Variants in KCNAB1 observed in about 807,000 individuals in gnomAD.
KCNAB1 encodes voltage-gated potassium channel subunit beta-1.
In KCNAB1, 35 loss-of-function variants were observed where a neutral mutation model predicts 64.6. The ratio of observed to expected loss-of-function variants is 0.54; its 90% CI spans 0.41 to 0.72. KCNAB1 has a LOEUF of 0.72. Ranked by LOEUF, KCNAB1 falls within the 30% of genes least tolerant of loss-of-function variation. The probability of loss-of-function intolerance (pLI) is 0.00; values close to 1 mark genes in which losing one functional copy is unlikely to be tolerated. For synonymous variants in KCNAB1, 177 were observed against 183.8 expected (o/e 0.96, Z 0.30); for missense variants, 401 against 512.9 (o/e 0.78, Z 2.11).
At chr3:156,246,388 G>T (rs1006321183) in intron 1 of KCNAB1, among the ~76,000 whole-genome samples, 3 of 152,126 alleles carry the variant, frequency 2.0e-5, no homozygotes, top group Non-Finnish European at 4.4e-5. Context: ...GGCAGATCAT[G>T]AGGTCAGGAG....
At chr3:156,527,749 CAAAAGGGAAA>C (rs1718423345) in intron 12 of KCNAB1, among the ~76,000 whole-genome samples, 1 of 152,162 alleles carries the variant, frequency 6.6e-6, no homozygotes, top group Non-Finnish European at 1.5e-5. Flanking sequence ...CTCTCAGAAT[CAAAAGGGAAA>C]TTATTTCCAG....
intron 8 of KCNAB1, among the ~76,000 whole-genome samples, chr3:156,510,725 G>A (rs7644368): frequency 0.42 from 63,640 of 151,980 alleles, 13,857 homozygotes; most frequent in African/African-American, 0.54. Context: ...CCCTACATAT[G>A]GCCAAATCCA....
chr3:156,186,868 T>C (rs1328404041), intron 1 of KCNAB1, among the ~76,000 whole-genome samples: 1 of 150,482 alleles, frequency 6.6e-6, no homozygotes, highest in Non-Finnish European at 1.5e-5. Context: ...TTTTTCTTTC[T>C]GGAGATGGAG....
chr3:156,511,902 C>T (rs150000700), intron 8 of KCNAB1, among the ~76,000 whole-genome samples: 1 of 152,352 alleles, frequency 6.6e-6, no homozygotes, highest in African/African-American at 2.4e-5. Flanking sequence ...TCCTTCCCTC[C>T]CATTGCTGGG....
At chr3:156,127,918 T>C (rs141950965) in intron 1 of KCNAB1, among the ~76,000 whole-genome samples, 1,898 of 149,948 alleles carry the variant, frequency 0.013, 19 homozygotes, top group South Asian at 0.021. Flanking sequence ...TGTGTGTGTG[T>C]GCACGTGCGT....
At chr3:156,311,113 G>C (rs1051857138) in intron 1 of KCNAB1, among the ~76,000 whole-genome samples, 1 of 152,194 alleles carries the variant, frequency 6.6e-6, no homozygotes, top group African/African-American at 2.4e-5. Flanking sequence ...CTGGATTAGG[G>C]TAGGATCAGG....
intron 8 of KCNAB1, among the ~76,000 whole-genome samples, chr3:156,514,047 T>G (rs570543816): frequency 6.6e-6 from 1 of 152,292 alleles, no homozygotes; most frequent in East Asian, 1.9e-4. Context: ...AGGTAAATCA[T>G]GTATTCTTTA....
intron 1 of KCNAB1, among the ~76,000 whole-genome samples, chr3:156,365,102 GT>G (rs1725863346): frequency 6.6e-6 from 1 of 152,180 alleles, no homozygotes; most frequent in South Asian, 2.1e-4. Context: ...TTTTCTAGGT[GT>G]TTTTTGTGCC....
chr3:156,428,188 G>C (rs1295239140), intron 2 of KCNAB1, among the ~76,000 whole-genome samples: 1 of 152,166 alleles, frequency 6.6e-6, no homozygotes, highest in Non-Finnish European at 1.5e-5. Flanking sequence ...GAGTAAAGCC[G>C]ATTGCCCTCC....
intron 1 of KCNAB1, among the ~76,000 whole-genome samples, chr3:156,366,608 G>C (rs769077546): frequency 1.3e-5 from 2 of 152,184 alleles, no homozygotes; most frequent in Non-Finnish European, 2.9e-5. Flanking sequence ...AAGGTCATTT[G>C]AGGGATAACC....
At chr3:156,243,954 G>A (rs1287153964) in intron 1 of KCNAB1, among the ~76,000 whole-genome samples, 1 of 152,176 alleles carries the variant, frequency 6.6e-6, no homozygotes, top group Non-Finnish European at 1.5e-5. Flanking sequence ...TACAGAGGCT[G>A]TAGCTTCCAT....
intron 8 of KCNAB1, among the ~76,000 whole-genome samples, chr3:156,481,562 A>T (rs779615187): frequency 1.3e-5 from 2 of 152,136 alleles, no homozygotes; most frequent in Non-Finnish European, 2.9e-5. Context: ...ATTGTGTCAT[A>T]AAAAGACAAA....
At chr3:156,285,648 G>C (rs904179120) in intron 1 of KCNAB1, among the ~76,000 whole-genome samples, 1 of 152,038 alleles carries the variant, frequency 6.6e-6, no homozygotes, top group African/African-American at 2.4e-5. Context: ...CCACAAGTAG[G>C]GGCCATCATG....
At chr3:156,339,327 T>C (rs1723940525) in intron 1 of KCNAB1, among the ~76,000 whole-genome samples, 1 of 152,192 alleles carries the variant, frequency 6.6e-6, no homozygotes, top group African/African-American at 2.4e-5. Flanking sequence ...CTATTCTTAG[T>C]GCACCTAGTT....
At chr3:156,511,329 TC>T (rs1717195419) in intron 8 of KCNAB1, among the ~76,000 whole-genome samples, 1 of 152,150 alleles carries the variant, frequency 6.6e-6, no homozygotes, top group Admixed American at 6.5e-5. Flanking sequence ...GGTCTCGATC[TC>T]CTGACCTCGT....
chr3:156,149,011 T>C (rs1369577175), intron 1 of KCNAB1, among the ~76,000 whole-genome samples: 1 of 152,174 alleles, frequency 6.6e-6, no homozygotes, highest in Non-Finnish European at 1.5e-5. Flanking sequence ...GTATCTTTTA[T>C]CAACTGCTGC....
intron 8 of KCNAB1, among the ~76,000 whole-genome samples, chr3:156,496,133 T>C (rs140437673): frequency 4.6e-5 from 7 of 152,308 alleles, no homozygotes; most frequent in Admixed American, 4.6e-4. Flanking sequence ...AGAGTAAATA[T>C]GTGACATTTT....
chr3:156,310,529 C>T (rs921206655), intron 1 of KCNAB1, among the ~76,000 whole-genome samples: 4 of 152,092 alleles, frequency 2.6e-5, no homozygotes, highest in Non-Finnish European at 5.9e-5. Context: ...ACCTGCTGGG[C>T]ATGGTGGCTT....
At position 156,127,204 on chromosome 3, in the gene KCNAB1, A is replaced by G. The variant is rs549359772; in HGVS notation, c.275+6318A>G. ...GATGGTATCAGGGATGGAGTATGGAATGGTGGAAGTGAGCTACAATGGAAT... is the reference window on the plus strand; with the variant it reads ...GATGGTATCAGGGATGGAGTATGGAGTGGTGGAAGTGAGCTACAATGGAAT... On this transcript the variant is annotated intron_variant, in intron 1 of 13. Coordinates refer to ENST00000490337, the MANE Select transcript of KCNAB1 (RefSeq NM_172160.3). 1.4e-4 allele frequency among the ~76,000 whole-genome samples: 21 copies of G among 152,332 alleles called. No homozygotes were observed. The South Asian group carries it at 4.3e-3, about 32-fold the overall frequency.
Sources: gnomAD v4.1 joint callset for allele counts (sites outside exome capture counted in the v4.1 genomes callset) on GRCh38, gnomAD v4.1.1 for gene constraint, MANE v1.5 for transcripts, NCBI Gene and HGNC (gene_info 2026-07-23, HGNC 2026-07-21) for gene names.